The following NARS2 variants were observed in gnomAD, a reference collection of about 807,000 sequenced individuals.
The protein encoded by NARS2 is asparaginyl-tRNA synthetase 2, mitochondrial, also known as asparaginyl-tRNA synthetase.
In NARS2, 60 loss-of-function variants were observed where a neutral mutation model predicts 62.9. The ratio of observed to expected loss-of-function variants is 0.95; its 90% CI spans 0.77 to 1.18. The LOEUF is 1.18. Among genes scored for constraint, NARS2 ranks in the 50% most tolerant of loss-of-function variants. NARS2 has a pLI of 0.00. For synonymous variants in NARS2, 196 were observed against 200.0 expected, an observed-to-expected ratio of 0.98 and a Z score of 0.17; for missense variants, 619 against 576.4, an observed-to-expected ratio of 1.07 and a Z score of -0.76.
chr11:78,559,196 G>C (rs1198468176), intron 5 of NARS2, among the ~76,000 whole-genome samples: 2 of 150,120 alleles, frequency 1.3e-5, no homozygotes, highest in African/African-American at 2.4e-5. Context: ...CCAGCTACTC[G>C]GGAGGCCGAG....
chr11:78,472,777 G>A (rs1858929740), intron 9 of NARS2, among the ~76,000 whole-genome samples: 1 of 152,162 alleles, frequency 6.6e-6, no homozygotes, highest in Admixed American at 6.5e-5. Context: ...TAACTCAATA[G>A]TAGATTCAGC....
chr11:78,514,324 G>T (rs1283772560), intron 6 of NARS2, among the ~76,000 whole-genome samples: 1 of 152,114 alleles, frequency 6.6e-6, no homozygotes, highest in Non-Finnish European at 1.5e-5. Flanking sequence ...GTTTTGCCAT[G>T]TTGCCCAGGT....
intron 6 of NARS2, among the ~76,000 whole-genome samples, chr11:78,507,859 A>T (rs1353902167): frequency 9.0e-6 from 1 of 111,246 alleles, no homozygotes; most frequent in African/African-American, 2.9e-5. Flanking sequence ...CATATAAAGA[A>T]AGATAAAAAT....
At chr11:78,453,803 A>G (rs1002433853) in intron 11 of NARS2, among the ~76,000 whole-genome samples, 1 of 152,222 alleles carries the variant, frequency 6.6e-6, no homozygotes, top group African/African-American at 2.4e-5. Flanking sequence ...GGCTTTCCAG[A>G]TGTGATGGTG....
intron 1 of NARS2, 31 bp from the exon 2 acceptor site, chr11:78,571,475 G>A (rs370292080): frequency 9.7e-5 from 146 of 1,502,606 alleles, no homozygotes; most frequent in Non-Finnish European, 1.3e-4. Flanking sequence ...CAATGTGAGC[G>A]TAAAACATTT....
intron 11 of NARS2, among the ~76,000 whole-genome samples, chr11:78,459,458 C>T (rs530366071): frequency 2.0e-5 from 3 of 150,760 alleles, no homozygotes; most frequent in South Asian, 2.1e-4. Flanking sequence ...TTAGTAGAGA[C>T]GGGGTTTCTC....
intron 5 of NARS2, among the ~76,000 whole-genome samples, chr11:78,538,812 G>A (rs952205888): frequency 2.0e-5 from 3 of 151,256 alleles, no homozygotes; most frequent in East Asian, 2.0e-4. Flanking sequence ...TGGCTAACAC[G>A]GTGAAACCCC....
At chr11:78,493,274 C>A in intron 6 of NARS2, 79 bp from the exon 7 acceptor site, 3 of 1,422,808 alleles carry the variant, frequency 2.1e-6, no homozygotes, top group Admixed American at 4.1e-5. Context: ...TGAGCTCTTA[C>A]GGAAAATAAA....
intron 5 of NARS2, among the ~76,000 whole-genome samples, chr11:78,557,841 AT>A (rs2135511536): frequency 6.7e-6 from 1 of 148,350 alleles, no homozygotes; most frequent in Admixed American, 6.7e-5. Context: ...TCTCTCTTAT[AT>A]TTTATATATA....
Position 78,571,660 on chromosome 11 carries a change from C to G in NARS2, c.142-216G>C, listed in dbSNP as rs1449827997. 6.8e-6 allele frequency: 3 copies of G among 442,858 alleles called. No homozygotes were observed. In the East Asian group the frequency reaches 1.0e-4, roughly 15 times the overall value. 27.4% of individuals were successfully genotyped at this position (442,858 alleles called of 1,614,324 possible). ...TCTATCTTTTGTTTTCGTAATAATGCACAACATTTCGAATGGATGCCTAAC... is the reference window on the plus strand; with the variant it reads ...TCTATCTTTTGTTTTCGTAATAATGGACAACATTTCGAATGGATGCCTAAC... On this transcript the variant is annotated intron_variant, in intron 1 of 13. Transcript: ENST00000281038.
intron 11 of NARS2, among the ~76,000 whole-genome samples, chr11:78,454,783 T>A (rs192829671): frequency 6.6e-6 from 1 of 152,214 alleles, no homozygotes; most frequent in East Asian, 1.9e-4. Context: ...TACGCTCAGC[T>A]AATTTTTCGT....
intron 2 of NARS2, among the ~76,000 whole-genome samples, chr11:78,569,804 C>G (rs1382181747): frequency 1.3e-5 from 2 of 152,134 alleles, no homozygotes; most frequent in Non-Finnish European, 2.9e-5. Context: ...GACAGTCATC[C>G]TACAGAAATC....
At chr11:78,557,948 T>C (rs866562616) in intron 5 of NARS2, among the ~76,000 whole-genome samples, 1 of 151,818 alleles carries the variant, frequency 6.6e-6, no homozygotes, top group African/African-American at 2.4e-5. Flanking sequence ...CTTTTTTACT[T>C]GTTTCATTTG....
At chr11:78,442,945 C>T (rs1857619772) in intron 12 of NARS2, among the ~76,000 whole-genome samples, 1 of 152,164 alleles carries the variant, frequency 6.6e-6, no homozygotes, top group South Asian at 2.1e-4. Flanking sequence ...TTCATCCTTT[C>T]CCTGGCTCAG....
chr11:78,495,125 T>G lies in NARS2; in HGVS notation c.690-1930A>C, dbSNP rs1229426078. 3.8e-4 allele frequency among the ~76,000 whole-genome samples: 58 copies of G among 152,344 alleles called. 1 individual carries two copies. The highest frequency in any genetic ancestry group is 3.8e-3 in the Admixed American group (58 of 15,302). ...AACTATAGGTTTCCAAACTCAAATC[T>G]GATTATGTCAGCCCTAATTTTAAAA... is the stretch of plus-strand genomic sequence containing the variant. On this transcript the variant is annotated intron_variant, in intron 6 of 13. Coordinates refer to ENST00000281038, the MANE Select transcript of NARS2 (RefSeq NM_024678.6).
chr11:78,561,598 G>A (rs1162025862), intron 4 of NARS2, among the ~76,000 whole-genome samples: 8 of 151,896 alleles, frequency 5.3e-5, no homozygotes, highest in Admixed American at 1.3e-4. Context: ...CATACATTAC[G>A]GCCCATACAC....
intron 7 of NARS2, among the ~76,000 whole-genome samples, chr11:78,489,821 G>C (rs558672626): frequency 5.2e-4 from 79 of 152,318 alleles, no homozygotes; most frequent in African/African-American, 1.9e-3. Context: ...AGGAGGCTGA[G>C]AGGCAGGAGG....
At chr11:78,449,475 A>C (rs1857886777) in intron 11 of NARS2, among the ~76,000 whole-genome samples, 1 of 151,950 alleles carries the variant, frequency 6.6e-6, no homozygotes, top group Non-Finnish European at 1.5e-5. Flanking sequence ...TAGGATAGCT[A>C]CGTTAAAAAA....
chr11:78,467,075 G>A (rs551047709), intron 10 of NARS2, among the ~76,000 whole-genome samples: 5 of 152,182 alleles, frequency 3.3e-5, no homozygotes, highest in East Asian at 1.9e-4. Context: ...GGATTGAACC[G>A]GTACAAGGAA....
Sources: gnomAD v4.1 joint callset for allele counts (sites outside exome capture counted in the v4.1 genomes callset) on GRCh38, gnomAD v4.1.1 for gene constraint, MANE v1.5 for transcripts, NCBI Gene and HGNC (gene_info 2026-07-23, HGNC 2026-07-21) for gene names.